The following EPHA3 variants were observed in gnomAD, a reference collection of about 807,000 sequenced individuals.
The protein encoded by EPHA3 is EPH receptor A3, also known as ephrin type-A receptor 3.
EPHA3 carries 42 observed loss-of-function variants against 107.1 expected under a neutral mutation model. That is an observed-to-expected ratio of 0.39 (90% CI 0.31 to 0.51). EPHA3 has a LOEUF of 0.51. Among genes scored for constraint, EPHA3 ranks in the 20% least tolerant of loss-of-function variants. The probability of loss-of-function intolerance (pLI) is 0.78; values close to 1 mark genes in which losing one functional copy is unlikely to be tolerated. For synonymous variants in EPHA3, 461 were observed against 424.8 expected (o/e 1.09, Z -1.05); for missense variants, 1,183 against 1,211.2 (o/e 0.98, Z 0.35).
rs1710615089 is a variant in EPHA3 at position 89,481,178 on chromosome 3, T to C, written c.*1676T>C. 1 of 232,180 alleles carries C rather than the reference T, an allele frequency of 4.3e-6. No homozygotes were observed. Among genetic ancestry groups the C allele is most frequent in the Non-Finnish European group, 8.5e-6 (1 of 117,490 alleles). The allele number at this position is 232,180 out of a possible 1,614,324, so 14.4% of individuals were successfully genotyped here. On this transcript the variant is annotated 3_prime_UTR_variant, in exon 17 of 17. Transcript: ENST00000336596. ...GTTCTTATGCAAAATGGAACGCTAA[T>C]GAAACACAGCTTACAATCGCAAATC...
At chr3:89,338,693 C>T (rs1425629555) in intron 3 of EPHA3, among the ~76,000 whole-genome samples, 1 of 152,134 alleles carries the variant, frequency 6.6e-6, no homozygotes, top group Non-Finnish European at 1.5e-5. Flanking sequence ...GGACCACAGG[C>T]GCCCACCACT....
intron 3 of EPHA3, among the ~76,000 whole-genome samples, chr3:89,339,388 A>AAAAT (rs1707465919): frequency 6.7e-6 from 1 of 149,504 alleles, no homozygotes; most frequent in Non-Finnish European, 1.5e-5. Flanking sequence ...AAAAAAAAAA[A>AAAAT]AAGAAAGAAA....
At chr3:89,200,316 A>G (rs1559596955) in intron 2 of EPHA3, among the ~76,000 whole-genome samples, 1 of 152,220 alleles carries the variant, frequency 6.6e-6, no homozygotes, top group Admixed American at 6.5e-5. Flanking sequence ...TCATTCTGAA[A>G]TATGTTTTGG....
At chr3:89,176,280 G>C (rs1035085139) in intron 2 of EPHA3, among the ~76,000 whole-genome samples, 2 of 151,822 alleles carry the variant, frequency 1.3e-5, no homozygotes, top group African/African-American at 4.8e-5. Context: ...TCAGGAGATC[G>C]AGACCAGCCT....
intron 3 of EPHA3, among the ~76,000 whole-genome samples, chr3:89,254,679 A>G (rs1033499286): frequency 6.6e-6 from 1 of 152,190 alleles, no homozygotes; most frequent in Non-Finnish European, 1.5e-5. Context: ...AACATTTCCT[A>G]TCTATATGAA....
At chr3:89,227,754 T>C (rs560253418) in intron 3 of EPHA3, among the ~76,000 whole-genome samples, 132 of 152,082 alleles carry the variant, frequency 8.7e-4, no homozygotes, top group African/African-American at 2.9e-3. Flanking sequence ...CTATAATAAT[T>C]CAGAGTAAGG....
chr3:89,222,406 TAC>T (rs1182090027), intron 3 of EPHA3, among the ~76,000 whole-genome samples: 9 of 148,042 alleles, frequency 6.1e-5, no homozygotes, highest in Admixed American at 4.8e-4. Flanking sequence ...TACATATATG[TAC>T]ACACACATGC....
chr3:89,423,591 G>C (rs1559690779), intron 11 of EPHA3, among the ~76,000 whole-genome samples: 2 of 151,212 alleles, frequency 1.3e-5, no homozygotes, highest in Non-Finnish European at 3.0e-5. Context: ...TGGATTCATG[G>C]CTGCAAATTG....
In EPHA3 at chr3:89,345,498, T is replaced by C. The variant is rs186447062; in HGVS notation, c.1306+3408T>C. 4.6e-3 allele frequency among the ~76,000 whole-genome samples: 702 copies of C among 151,340 alleles called. 22 individuals are homozygous for C. Among genetic ancestry groups the C allele is most frequent in the Middle Eastern group, 0.017 (5 of 294 alleles). ...TCCTAGATTAATAATTTATTCCACGTGCTTTATCCGTCCCACCCCCATCTC... is the reference window on the plus strand; with the variant it reads ...TCCTAGATTAATAATTTATTCCACGCGCTTTATCCGTCCCACCCCCATCTC... On this transcript the variant is annotated intron_variant, in intron 5 of 16. Coordinates refer to ENST00000336596, the MANE Select transcript of EPHA3 (RefSeq NM_005233.6).
At chr3:89,367,436 C>G (rs1559667066) in intron 5 of EPHA3, among the ~76,000 whole-genome samples, 1 of 150,638 alleles carries the variant, frequency 6.6e-6, no homozygotes, top group African/African-American at 2.4e-5. Context: ...GGTGAAGTGA[C>G]TCCTCAAAGG....
At chr3:89,407,424 C>A in intron 8 of EPHA3, 53 bp downstream of exon 8, 1 of 1,382,736 alleles carries the variant, frequency 7.2e-7, no homozygotes, top group Non-Finnish European at 1.0e-6. Flanking sequence ...TTGTTTGCTG[C>A]CACTGATTGC....
At chr3:89,415,827 C>T (rs1443761365) in intron 10 of EPHA3, among the ~76,000 whole-genome samples, 1 of 151,332 alleles carries the variant, frequency 6.6e-6, no homozygotes, top group African/African-American at 2.4e-5. Context: ...TTATTATCTC[C>T]ATTTCAGCAC....
At chr3:89,221,689 T>C (rs1704380466) in intron 3 of EPHA3, among the ~76,000 whole-genome samples, 1 of 152,194 alleles carries the variant, frequency 6.6e-6, no homozygotes. Flanking sequence ...TAAATCTTAT[T>C]ATCGTTATTT....
intron 3 of EPHA3, among the ~76,000 whole-genome samples, chr3:89,257,410 C>T (rs540829358): frequency 6.6e-6 from 1 of 152,200 alleles, no homozygotes; most frequent in South Asian, 2.1e-4. Context: ...TTTCCTTATC[C>T]CACTCCCTTC....
At chr3:89,192,111 T>C (rs1334553262) in intron 2 of EPHA3, among the ~76,000 whole-genome samples, 2 of 152,172 alleles carry the variant, frequency 1.3e-5, no homozygotes, top group African/African-American at 4.8e-5. Flanking sequence ...GAGGACTATA[T>C]TAGGTTTATA....
chr3:89,371,721 TACACACACACACACACACACA>T (rs1201503950), intron 5 of EPHA3, among the ~76,000 whole-genome samples: 1 of 147,502 alleles, frequency 6.8e-6, no homozygotes, highest in Non-Finnish European at 1.5e-5. Context: ...GTGATACACA[TACACACACACACACACACACA>T]ACACACACAC....
intron 15 of EPHA3, among the ~76,000 whole-genome samples, chr3:89,458,561 G>A (rs1559704034): frequency 6.6e-6 from 1 of 152,094 alleles, no homozygotes; most frequent in Non-Finnish European, 1.5e-5. Flanking sequence ...GGGTCAAATG[G>A]TATTTCTGGT....
intron 1 of EPHA3, among the ~76,000 whole-genome samples, chr3:89,112,513 G>T (rs1257444016): frequency 3.3e-5 from 5 of 151,258 alleles, no homozygotes; most frequent in African/African-American, 1.2e-4. Context: ...AATCCTTTCA[G>T]AAATTTAAAT....
intron 13 of EPHA3, among the ~76,000 whole-genome samples, chr3:89,442,091 T>C (rs1329343843): frequency 1.3e-5 from 2 of 152,116 alleles, no homozygotes; most frequent in Non-Finnish European, 2.9e-5. Flanking sequence ...TTTATAAAGT[T>C]AATTTAAGTT....
Sources: gnomAD v4.1 joint callset for allele counts (sites outside exome capture counted in the v4.1 genomes callset) on GRCh38, gnomAD v4.1.1 for gene constraint, MANE v1.5 for transcripts, NCBI Gene and HGNC (gene_info 2026-07-23, HGNC 2026-07-21) for gene names.